JAK1: variants seen among roughly 807,000 people sequenced by gnomAD.
JAK1 encodes Janus kinase 1.
A neutral mutation model predicts 136.6 loss-of-function variants in JAK1; 16 were observed. That is an observed-to-expected ratio of 0.12 (90% confidence interval 0.08 to 0.18). JAK1 has a LOEUF of 0.18. JAK1 is among the 10% of genes least tolerant of loss of function. The pLI, the probability that JAK1 is intolerant of heterozygous loss-of-function variation, is 1.00. For synonymous variants in JAK1, 492 were observed against 519.5 expected (o/e 0.95, Z 0.72); for missense variants, 859 against 1,450.1 (o/e 0.59, Z 6.62).
intron 2 of JAK1, chr1:65,002,242 A>T (rs1417634245): frequency 2.0e-5 from 3 of 152,212 alleles, no homozygotes; most frequent in Admixed American, 6.5e-5. Flanking sequence ...CATTTGGGCA[A>T]ATGAGTGAGC....
intron 2 of JAK1, chr1:65,003,391 G>GT: frequency 6.6e-6 from 1 of 152,252 alleles, no homozygotes; most frequent in South Asian, 2.1e-4. Flanking sequence ...CGGTAAAAGT[G>GT]TTTCGATTTG....
intron 1 of JAK1, among the ~76,000 whole-genome samples, chr1:65,053,522 G>A (rs990712001): frequency 9.2e-5 from 14 of 152,124 alleles, no homozygotes; most frequent in African/African-American, 2.7e-4. Context: ...TTGTCTCAAA[G>A]AGCAACTGAT....
chr1:64,985,899 G>A, intron 2 of JAK1: 1 of 706,946 alleles, frequency 1.4e-6, no homozygotes, highest in Non-Finnish European at 2.5e-6. Context: ...TATGGCCATA[G>A]ACAAGCACCA....
intron 2 of JAK1, chr1:64,985,327 C>T: frequency 6.2e-7 from 1 of 1,611,088 alleles, no homozygotes; most frequent in Non-Finnish European, 8.5e-7. Flanking sequence ...AGCTCCAGCA[C>T]AGTGACTTGC....
chr1:64,965,771 G>T (rs1646362510), intron 1 of JAK1, among the ~76,000 whole-genome samples: 1 of 152,126 alleles, frequency 6.6e-6, no homozygotes, highest in Non-Finnish European at 1.5e-5. Context: ...GAGGGGAGGG[G>T]GCGTTTCCCG....
At chr1:64,950,010 T>A (rs568810691) in intron 1 of JAK1, among the ~76,000 whole-genome samples, 1 of 152,216 alleles carries the variant, frequency 6.6e-6, no homozygotes, top group East Asian at 1.9e-4. Flanking sequence ...GACAGGTATA[T>A]GTATCCAGCA....
chr1:64,906,417 C>G (rs1368149447), intron 1 of JAK1, among the ~76,000 whole-genome samples: 1 of 152,106 alleles, frequency 6.6e-6, no homozygotes, highest in African/African-American at 2.4e-5. Context: ...TCAACACACA[C>G]CTCCTCCCTC....
intron 1 of JAK1, among the ~76,000 whole-genome samples, chr1:64,900,208 G>C (rs1645083325): frequency 6.6e-6 from 1 of 152,186 alleles, no homozygotes; most frequent in Admixed American, 6.5e-5. Flanking sequence ...TAAGAGATGT[G>C]ACAAGGCAAA....
intron 2 of JAK1, among the ~76,000 whole-genome samples, chr1:65,001,622 G>C (rs1646757548): frequency 6.6e-6 from 1 of 150,652 alleles, no homozygotes; most frequent in Non-Finnish European, 1.5e-5. Context: ...ATGTGTGTTT[G>C]AGAGGCAGCA....
intron 4 of JAK1, chr1:64,876,346 A>G (rs1644667191): frequency 1.3e-5 from 2 of 152,220 alleles, no homozygotes; most frequent in African/African-American, 2.4e-5. Context: ...CTGAACAACG[A>G]TATTCTTCCA....
intron 1 of JAK1, among the ~76,000 whole-genome samples, chr1:64,932,570 A>G (rs1645716930): frequency 6.6e-6 from 1 of 152,208 alleles, no homozygotes; most frequent in Non-Finnish European, 1.5e-5. Flanking sequence ...TACTAGTGTC[A>G]GCATGGTGCT....
chr1:64,989,437 T>C (rs980200554), intron 2 of JAK1: 2 of 152,156 alleles, frequency 1.3e-5, no homozygotes, highest in African/African-American at 4.8e-5. Context: ...CACCTTACCT[T>C]GCAATGGTCC....
chr1:65,020,011 A>C (rs980494978), intron 2 of JAK1, among the ~76,000 whole-genome samples: 3 of 152,040 alleles, frequency 2.0e-5, no homozygotes, highest in Non-Finnish European at 4.4e-5. Flanking sequence ...AGATCATCTG[A>C]GGTCAGAAGT....
At chr1:65,051,620 C>G (rs1388864034) in intron 1 of JAK1, among the ~76,000 whole-genome samples, 1 of 152,136 alleles carries the variant, frequency 6.6e-6, no homozygotes, top group Non-Finnish European at 1.5e-5. Flanking sequence ...TTCGAAGATA[C>G]TCATTTTCAA....
At position 64,869,487 on chromosome 1, in the gene JAK1, G is replaced by A. The variant is rs773596607; in HGVS notation, c.484-13C>T. The A allele has an allele frequency of 3.7e-6, 6 of 1,611,964 alleles. No homozygotes were observed. The highest frequency in any genetic ancestry group is 1.7e-5 in the Admixed American group (1 of 59,766). On this transcript the variant is annotated splice_polypyrimidine_tract_variant and intron_variant, in intron 5 of 24. Transcript: ENST00000342505. Reference sequence around the variant, plus strand: ...AATCATACTGTCCCTAGGAGCAAGGGGGAGAAACCATGAGAGCCCACCCGT... The same window carrying A: ...AATCATACTGTCCCTAGGAGCAAGGAGGAGAAACCATGAGAGCCCACCCGT...
chr1:64,906,092 C>T (rs1645185893), intron 1 of JAK1, among the ~76,000 whole-genome samples: 1 of 152,154 alleles, frequency 6.6e-6, no homozygotes, highest in South Asian at 2.1e-4. Context: ...GTCAGGAGTT[C>T]AAGATCAGCC....
rs1654308885 is a variant in JAK1, at chr1:64,834,001, T to C, written c.*561A>G. 8.6e-6 allele frequency: 2 copies of C among 232,680 alleles called. No homozygotes were observed. Among genetic ancestry groups the C allele is most frequent in the Admixed American group, 1.1e-4 (2 of 17,770 alleles). 14.4% of individuals were successfully genotyped at this position (232,680 alleles called of 1,614,324 possible). A position where few individuals can be genotyped will look rare whatever the true frequency, so the allele number is the denominator to read the frequency against. ...TGGAGAAACAAAGTTTAAGTCCTAC[T>C]GGTGAGAGAATACAGTCATTTTTGT... On this transcript the variant is annotated 3_prime_UTR_variant, in exon 25 of 25. Transcript: ENST00000342505.
intron 2 of JAK1, among the ~76,000 whole-genome samples, chr1:65,016,722 A>G (rs961198471): frequency 6.6e-6 from 1 of 152,114 alleles, no homozygotes; most frequent in African/African-American, 2.4e-5. Flanking sequence ...AAAGTGTGAA[A>G]CCCTGTCTCT....
chr1:64,867,793 C>A (rs2101119442), intron 6 of JAK1, among the ~76,000 whole-genome samples: 1 of 152,228 alleles, frequency 6.6e-6, no homozygotes, highest in Middle Eastern at 3.4e-3. Flanking sequence ...GAGTGAGAGA[C>A]CAGCTTGACC....
Sources: allele counts gnomAD v4.1 joint callset (sites outside exome capture counted in the v4.1 genomes callset), GRCh38; gene constraint gnomAD v4.1.1; transcripts MANE v1.5; gene names NCBI Gene and HGNC (gene_info 2026-07-23, HGNC 2026-07-21).